BEST2: variants seen among roughly 807,000 people sequenced by gnomAD.
BEST2 encodes bestrophin-2a.
In BEST2, 36 loss-of-function variants were observed where a neutral mutation model predicts 49.0. That is an observed-to-expected ratio of 0.73 (90% confidence interval 0.56 to 0.97). BEST2 has a LOEUF of 0.97. Among genes scored for constraint, BEST2 ranks in the 50% least tolerant of loss-of-function variants. BEST2 has a pLI of 0.00. For synonymous variants in BEST2, 335 were observed against 304.4 expected (o/e 1.10, Z -1.05); for missense variants, 672 against 710.0 (o/e 0.95, Z 0.61).
At position 12,758,234 on chromosome 19, in the gene BEST2, G is replaced by A. The variant is rs1967970397; in HGVS notation, c.*157G>A. 1.1e-6 allele frequency: 1 copy of A among 951,228 alleles called. No individual in the cohort carries two copies. Among genetic ancestry groups the A allele is most frequent in the Non-Finnish European group, 1.5e-6 (1 of 654,530 alleles). The allele number at this position is 951,228 out of a possible 1,614,324, so 58.9% of individuals were successfully genotyped here. A position where few individuals can be genotyped will look rare whatever the true frequency, so the allele number is the denominator to read the frequency against. ...CGCATGTGTTTGGCGCTGTGCTAGG[G>A]GCGGGAGTTCTTCCAGACTCTTGGA... On this transcript the variant is annotated 3_prime_UTR_variant, in exon 10 of 10. Transcript: ENST00000553030.
Position 12,757,911 on chromosome 19 carries a change from C to A in BEST2, c.1364C>A (p.Pro455His). Residue 455 changes from proline to histidine, a missense_variant, in exon 10 of 10, where the codon CCC (proline) becomes CAC (histidine). Pro to His is a moderately conservative substitution (Grantham distance 77). Coordinates refer to ENST00000553030, the MANE Select transcript of BEST2 (RefSeq NM_017682.3). ...ECSCGDPLLD[P>H]GLPEPEAPPP... is the part of the protein sequence containing the mutation. ...AGCTGCGGGGACCCGCTGCTCGACC[C>A]CGGCCTGCCGGAGCCCGAGGCCCCG... 1 of 1,558,742 alleles carries A rather than the reference C, an allele frequency of 6.4e-7. No homozygotes were observed. The highest frequency in any genetic ancestry group is 8.7e-7 in the Non-Finnish European group (1 of 1,153,238).
intron 9 of BEST2, 54 bp downstream of exon 9, chr19:12,756,349 G>A (rs1967944691): frequency 6.3e-7 from 1 of 1,589,140 alleles, no homozygotes. Context: ...GGCTCTGCGG[G>A]GCACATCTGA....
At chr19:12,756,059 C>T in intron 8 of BEST2, 82 bp from the exon 9 acceptor site, 1 of 1,599,116 alleles carries the variant, frequency 6.3e-7, no homozygotes, top group Non-Finnish European at 8.6e-7. Flanking sequence ...CCTCTGTGGT[C>T]CCCACCCACC....
chr19:12,753,367 C>T lies in BEST2; in HGVS notation c.247+13C>T, dbSNP rs1214875434. On this transcript the variant is annotated intron_variant, in intron 3 of 9. Transcript: ENST00000553030. ...TCCTTCGTGCTTGGTGCGGTCCAAC[C>T]CCAAGTCCCCCGTTCCCATGTCCCT... The T allele has an allele frequency of 3.1e-6, 5 of 1,611,772 alleles. No homozygotes were observed. In the Admixed American group the frequency reaches 5.0e-5, roughly 16 times the overall value.
At chr19:12,756,757 G>A (rs148192345) in intron 9 of BEST2, 12 of 179,036 alleles carry the variant, frequency 6.7e-5, no homozygotes, top group Admixed American at 1.6e-4. Flanking sequence ...GAGGTGGGAG[G>A]ATTGCTTGAG....
At chr19:12,756,347 G>A (rs757632073) in intron 9 of BEST2, 52 bp downstream of exon 9, 66 of 1,589,504 alleles carry the variant, frequency 4.2e-5, no homozygotes, top group African/African-American at 6.7e-5. Flanking sequence ...ATGGCTCTGC[G>A]GGGCACATCT....
chr19:12,753,163 TATAAA>T, intron 2 of BEST2, 92 bp from the exon 3 acceptor site: 1 of 1,312,912 alleles, frequency 7.6e-7, no homozygotes, highest in South Asian at 1.2e-5. Context: ...GGGCAGCTAT[TATAAA>T]AGAAGCCAGG....
intron 3 of BEST2, 111 bp from the exon 4 acceptor site, chr19:12,754,441 G>C (rs1439199948): frequency 3.2e-6 from 3 of 943,286 alleles, no homozygotes; most frequent in Non-Finnish European, 4.5e-6. Flanking sequence ...TGGCCAGCAC[G>C]CTCGGGTTTC....
rs771105784 is a variant in BEST2, at chr19:12,754,767, G to C, written c.463G>C (p.Asp155His). 1.9e-6 allele frequency: 3 copies of C among 1,586,220 alleles called. No homozygotes were observed. The highest frequency in any genetic ancestry group is 2.3e-5 in the South Asian group (2 of 87,204). The change falls in exon 4 of 10, where the codon GAC (aspartate) becomes CAC (histidine). Residue 155 changes from aspartate (D) to histidine (H), a missense_variant. Physicochemically the swap from Asp to His is moderately conservative, Grantham distance 81. Coordinates refer to ENST00000553030, the MANE Select transcript of BEST2 (RefSeq NM_017682.3). Reference protein sequence around the residue: ...TAVFKRFPTIDHVVEAGFMTR... With the variant: ...TAVFKRFPTIHHVVEAGFMTR... Reference sequence around the variant, plus strand: ...GGTGTTCAAGCGCTTCCCCACCATAGACCACGTGGTGGAGGCTGGTGAGTA... The same window carrying C: ...GGTGTTCAAGCGCTTCCCCACCATACACCACGTGGTGGAGGCTGGTGAGTA...
rs1967968340 is a variant in BEST2 at position 12,758,055 on chromosome 19, A to T, written c.1508A>T (p.Glu503Val). 1 of 1,611,774 alleles carries T rather than the reference A, an allele frequency of 6.2e-7. No homozygotes were observed. Among genetic ancestry groups the T allele is most frequent in the Non-Finnish European group, 8.5e-7 (1 of 1,179,230 alleles). The change falls in exon 10 of 10, where the codon GAG becomes GTG. Residue 503 changes from glutamate to valine, a missense_variant. This residue lies in a region of BEST2 where 291 missense variants were observed against 279.8 expected (regional missense o/e 1.04). Transcript: ENST00000553030. ...CCCTGGCTGCCCAGCCCTATTGGCGAGGAGGAGGAGAATCTGGCCTGAGAT... is the reference window on the plus strand; with the variant it reads ...CCCTGGCTGCCCAGCCCTATTGGCGTGGAGGAGGAGAATCTGGCCTGAGAT... ...APPWLPSPIG[E>V]EEENLA is the part of the protein sequence containing the mutation.
Position 12,757,878 on chromosome 19 carries a change from C to G in BEST2, c.1331C>G (p.Pro444Arg). The G allele has an allele frequency of 6.5e-7, 1 of 1,549,940 alleles. No homozygotes were observed. Among genetic ancestry groups the G allele is most frequent in the African/African-American group, 1.4e-5 (1 of 73,330 alleles). The change falls in exon 10 of 10, where the codon CCG (proline) becomes CGG (arginine). Residue 444 changes from proline to arginine, a missense_variant. By Grantham distance (103) the Pro-to-Arg change is moderately radical. Transcript: ENST00000553030. ...GCGGTTGTCCCCGAAGGCGCGGCCC[C>G]GGAGTGCAGCTGCGGGGACCCGCTG... Reference protein sequence around the residue: ...SCAVVPEGAAPECSCGDPLLD... With the variant: ...SCAVVPEGAARECSCGDPLLD...
intron 9 of BEST2, among the ~76,000 whole-genome samples, chr19:12,757,147 A>G (rs377075844): frequency 6.7e-6 from 1 of 149,044 alleles, no homozygotes; most frequent in African/African-American, 2.5e-5. Flanking sequence ...GCATTTCAAA[A>G]CATAAAAATA....
At chr19:12,754,469 G>A (rs1209347881) in intron 3 of BEST2, 83 bp from the exon 4 acceptor site, 2 of 1,186,536 alleles carry the variant, frequency 1.7e-6, no homozygotes, top group East Asian at 2.7e-5. Flanking sequence ...CAGACCTTAC[G>A]TTGCCCCCTC....
Position 12,755,914 on chromosome 19 carries a change from T to C in BEST2, c.927T>C (p.Phe309=). The change falls in exon 8 of 10, where the codon TTT becomes TTC. Residue 309 remains phenylalanine (F), a synonymous_variant. Transcript: ENST00000553030. The surrounding 1 kb of genome is among the most constrained non-coding windows in gnomAD (Gnocchi z 4.4). ...GEDDDDFETN[F]LIDRNFQVSM... is the part of the protein sequence containing the mutation. The stretch of plus-strand genomic sequence containing the variant: ...ACGATGATGACTTTGAGACCAACTT[T>C]CTGATCGATAGAAACTTCCAGGTGA... 6.2e-7 allele frequency: 1 copy of C among 1,614,140 alleles called. No homozygotes were observed. Among genetic ancestry groups the C allele is most frequent in the Non-Finnish European group, 8.5e-7 (1 of 1,179,972 alleles).
intron 9 of BEST2, 24 bp downstream of exon 9, chr19:12,756,319 C>T (rs751034159): frequency 6.2e-7 from 1 of 1,610,136 alleles, no homozygotes; most frequent in South Asian, 1.1e-5. Flanking sequence ...GTGGGCAGGG[C>T]CGCCTGGGGC....
At chr19:12,753,219 G>T (rs1432009851) in intron 2 of BEST2, 41 bp from the exon 3 acceptor site, 3 of 1,597,968 alleles carry the variant, frequency 1.9e-6, no homozygotes, top group Non-Finnish European at 2.6e-6. Context: ...TGGGGATGGA[G>T]TCACCCTTGT....
Position 12,754,686 on chromosome 19 carries a change from C to G in BEST2, c.382C>G (p.Leu128Val), listed in dbSNP as rs767536264. The G allele has an allele frequency of 1.9e-6, 3 of 1,581,948 alleles. No homozygotes were observed. Among genetic ancestry groups the G allele is most frequent in the South Asian group, 2.3e-5 (2 of 86,894 alleles). ...DDRGRLYRRT[L>V]MRYAGLSAVL... is the part of the protein sequence containing the mutation. ...CCGCGGCCGCCTCTACCGGCGCACA[C>G]TCATGCGCTACGCAGGGCTCTCGGC... The change falls in exon 4 of 10, where the codon CTC (leucine) becomes GTC (valine). Residue 128 changes from leucine (L) to valine (V), a missense_variant. Leu to Val is a conservative substitution (Grantham distance 32). This residue lies in a region of BEST2 where 365 missense variants were observed against 390.9 expected (regional missense o/e 0.93). Transcript: ENST00000553030.
chr19:12,756,051 T>A, intron 8 of BEST2, 90 bp from the exon 9 acceptor site: 2 of 1,597,104 alleles, frequency 1.3e-6, no homozygotes, highest in Non-Finnish European at 1.7e-6. Context: ...CATCCTTCCC[T>A]CTGTGGTCCC....
rs749557057 is a variant in BEST2 at position 12,756,185 on chromosome 19, G to C, written c.993G>C (p.Val331=). The C allele has an allele frequency of 6.2e-7, 1 of 1,614,244 alleles. No homozygotes were observed. The stretch of plus-strand genomic sequence containing the variant: ...ACGAGATGTATGATGACCTGGCTGT[G>C]CTGGAGAAGGACTTGTACTGGGATG... ...AVDEMYDDLA[V]LEKDLYWDAA... The change falls in exon 9 of 10, where the codon GTG becomes GTC. Residue 331 remains valine (V), a synonymous_variant. Transcript: ENST00000553030.
Sources: allele counts gnomAD v4.1 joint callset (sites outside exome capture counted in the v4.1 genomes callset), GRCh38; gene constraint gnomAD v4.1.1; regional missense constraint gnomAD v4.1.1; non-coding constraint Gnocchi (gnomAD v3.1); transcripts MANE v1.5; gene names NCBI Gene and HGNC (gene_info 2026-07-23, HGNC 2026-07-21).